SEL1L: variants seen among roughly 807,000 people sequenced by gnomAD.
SEL1L encodes the protein SEL1L adaptor subunit of SYVN1 ubiquitin ligase, also known as protein sel-1 homolog 1.
Under a neutral mutation model 109.8 loss-of-function variants are expected in SEL1L, and 52 were observed. The ratio of observed to expected loss-of-function variants is 0.47; its 90% CI spans 0.38 to 0.60. The LOEUF (loss-of-function observed/expected upper bound fraction) is 0.60, where lower values mean the gene tolerates loss of function less well. Ranked by LOEUF, SEL1L falls within the 20% of genes least tolerant of loss-of-function variation. The pLI is 0.00. For missense variants in SEL1L, 749 were observed against 962.2 expected (o/e 0.78, Z 2.93); for synonymous variants, 373 against 339.6 (o/e 1.10, Z -1.08).
At chr14:81,533,405 T>C (rs991242403) in intron 1 of SEL1L, among the ~76,000 whole-genome samples, 1 of 152,226 alleles carries the variant, frequency 6.6e-6, no homozygotes, top group East Asian at 1.9e-4. Flanking sequence ...TTGGAGTCAA[T>C]TCCGCGTTCG....
At chr14:81,526,663 T>C in intron 3 of SEL1L, 70 bp downstream of exon 3, 1 of 1,140,652 alleles carries the variant, frequency 8.8e-7, no homozygotes, top group Non-Finnish European at 1.3e-6. Context: ...TTCAGCCTCT[T>C]TATTCATTAG....
intron 3 of SEL1L, 129 bp from the exon 4 acceptor site, chr14:81,506,370 A>G: frequency 1.3e-6 from 1 of 769,338 alleles, no homozygotes; most frequent in Non-Finnish European, 2.0e-6. Flanking sequence ...AACTGGGAAC[A>G]TAAAAGGGCT....
At position 81,519,664 on chromosome 14, in the gene SEL1L, G is replaced by C. The variant is rs142976414; in HGVS notation, c.340+7069C>G. 4.1e-3 allele frequency among the ~76,000 whole-genome samples: 626 copies of C among 152,296 alleles called. 4 individuals carry two copies. Among genetic ancestry groups the C allele is most frequent in the African/African-American group, 0.014 (602 of 41,570 alleles). The stretch of plus-strand genomic sequence containing the variant: ...TGCTGTTAGGGAACTGATAGTGGGG[G>C]AAAGAGCAAAAGGAAGAAGGCCAGA... On this transcript the variant is annotated intron_variant, in intron 3 of 20. Coordinates refer to ENST00000336735, the MANE Select transcript of SEL1L (RefSeq NM_005065.6).
intron 2 of SEL1L, 68 bp from the exon 3 acceptor site, chr14:81,527,032 T>A (rs1595538229): frequency 7.2e-6 from 8 of 1,109,966 alleles, no homozygotes; most frequent in Middle Eastern, 3.9e-4. Flanking sequence ...TTGACCGTTA[T>A]TTTTACTAAT....
At chr14:81,515,380 C>T (rs1477680592) in intron 3 of SEL1L, among the ~76,000 whole-genome samples, 2 of 152,198 alleles carry the variant, frequency 1.3e-5, no homozygotes, top group African/African-American at 4.8e-5. Flanking sequence ...CAAACCCTGG[C>T]CTTTAATGAA....
chr14:81,510,607 G>A (rs1884440344), intron 3 of SEL1L, among the ~76,000 whole-genome samples: 2 of 150,386 alleles, frequency 1.3e-5, no homozygotes, highest in Admixed American at 6.7e-5. Flanking sequence ...AAAACTAAAA[G>A]TTAATTTCTT....
chr14:81,481,030 A>C (rs989984864), intron 19 of SEL1L, among the ~76,000 whole-genome samples: 1 of 152,116 alleles, frequency 6.6e-6, no homozygotes, highest in Non-Finnish European at 1.5e-5. Flanking sequence ...CCACCGGAAG[A>C]GATACCTTGA....
intron 8 of SEL1L, chr14:81,499,024 T>C (rs1350087099): frequency 5.6e-6 from 4 of 714,000 alleles, no homozygotes; most frequent in East Asian, 2.6e-4. Flanking sequence ...AATAACTCCA[T>C]GAATTTTAAC....
intron 10 of SEL1L, among the ~76,000 whole-genome samples, chr14:81,496,317 G>A (rs572109913): frequency 2.0e-5 from 3 of 147,008 alleles, no homozygotes; most frequent in Non-Finnish European, 4.6e-5. Flanking sequence ...GCGAGACTCC[G>A]TCTCAAAAAA....
chr14:81,482,341 T>G (rs1903384681), intron 19 of SEL1L, among the ~76,000 whole-genome samples: 1 of 152,208 alleles, frequency 6.6e-6, no homozygotes, highest in Non-Finnish European at 1.5e-5. Context: ...AGCCATAACT[T>G]ACATGTGATC....
chr14:81,478,838 C>T, intron 20 of SEL1L, among the ~76,000 whole-genome samples: 1 of 152,196 alleles, frequency 6.6e-6, no homozygotes, highest in East Asian at 1.9e-4. Context: ...ATTCTTGAAT[C>T]TAAAACTGAA....
chr14:81,503,031 TGTCCC>T, intron 5 of SEL1L, 148 bp from the exon 6 acceptor site: 2 of 667,104 alleles, frequency 3.0e-6, no homozygotes, highest in South Asian at 4.6e-5. Flanking sequence ...TCACTCTTGT[TGTCCC>T]GGCTGGAGTG....
At chr14:81,533,097 CAG>C (rs1387443219) in intron 1 of SEL1L, among the ~76,000 whole-genome samples, 2 of 152,194 alleles carry the variant, frequency 1.3e-5, no homozygotes, top group Non-Finnish European at 2.9e-5. Context: ...TGGGGCAACT[CAG>C]AAACACTGTG....
rs201507205 is a variant in SEL1L at position 81,486,256 on chromosome 14, C to G, written c.1798+33G>C. On this transcript the variant is annotated intron_variant, in intron 17 of 20. Coordinates refer to ENST00000336735, the MANE Select transcript of SEL1L (RefSeq NM_005065.6). Reference sequence around the variant, plus strand: ...GTTTACTGGTGTGAACTCGTACATTCTAAACCTAAGGCAGGACTAAAATGA... The same window carrying G: ...GTTTACTGGTGTGAACTCGTACATTGTAAACCTAAGGCAGGACTAAAATGA... 8.1e-6 allele frequency: 13 copies of G among 1,610,198 alleles called. No individual in the cohort carries two copies. The East Asian group carries it at 1.6e-4, about 19-fold the overall frequency.
chr14:81,486,682 C>T (rs777501480), intron 16 of SEL1L, among the ~76,000 whole-genome samples: 5 of 151,472 alleles, frequency 3.3e-5, no homozygotes, highest in Non-Finnish European at 5.9e-5. Context: ...TATTGTACTA[C>T]AAAAATGACC....
intron 3 of SEL1L, among the ~76,000 whole-genome samples, chr14:81,516,882 C>A (rs11846697): frequency 0.028 from 4,298 of 152,232 alleles, 195 homozygotes; most frequent in African/African-American, 0.098. Context: ...AGACTTCCCC[C>A]CCATGTACCT....
rs750454559 is a variant in SEL1L at position 81,499,618 on chromosome 14, A to C, written c.822T>G (p.Ser274Arg). The C allele has an allele frequency of 1.2e-6, 2 of 1,610,864 alleles. No homozygotes were observed. Among genetic ancestry groups the C allele is most frequent in the Non-Finnish European group, 1.7e-6 (2 of 1,179,418 alleles). Residue 274 changes from serine to arginine, a missense_variant, in exon 7 of 21, where the codon AGT becomes AGG. This residue lies in a region of SEL1L where 366 missense variants were observed against 399.8 expected (regional missense o/e 0.92). Transcript: ENST00000336735. ...GTTTTAATAGTATTACCTTTGCCTG[A>C]CTTGAATTAACACCAAGTCCAGAGG... The part of the protein sequence containing the change: ...LYASGLGVNS[S>R]QAKALVYYTF...
intron 3 of SEL1L, among the ~76,000 whole-genome samples, chr14:81,512,380 A>G (rs1884518098): frequency 6.6e-6 from 1 of 152,244 alleles, no homozygotes; most frequent in Admixed American, 6.5e-5. Flanking sequence ...CATATCATTG[A>G]CATTCTTGTA....
Position 81,474,335 on chromosome 14 carries a change from C to T in SEL1L, c.*2637G>A, listed in dbSNP as rs1903096183. The T allele has an allele frequency of 6.6e-6, 1 of 151,126 alleles. No individual in the cohort carries two copies. The highest frequency in any genetic ancestry group is 6.6e-5 in the Admixed American group (1 of 15,178). The allele number at this position is 151,126 out of a possible 1,614,324, so 9.4% of individuals were successfully genotyped here. ...TCAAGACAGTCGGCTAACCAACAAA[C>T]CAAATGCACAAGAGAATACTAAACA... On this transcript the variant is annotated 3_prime_UTR_variant, in exon 21 of 21. Transcript: ENST00000336735.
Sources: gnomAD v4.1 joint callset for allele counts (sites outside exome capture counted in the v4.1 genomes callset) on GRCh38, gnomAD v4.1.1 for gene constraint, gnomAD v4.1.1 regional missense constraint, MANE v1.5 for transcripts, NCBI Gene and HGNC (gene_info 2026-07-23, HGNC 2026-07-21) for gene names.